Variants in ALG10 observed in about 807,000 individuals in gnomAD.
ALG10 encodes the protein dol-P-Glc:Glc(2)Man(9)GlcNAc(2)-PP-Dol alpha-1,2-glucosyltransferase A.
ALG10 carries 25 observed loss-of-function variants against 39.2 expected under a neutral mutation model. That is an observed-to-expected ratio of 0.64 (90% CI 0.46 to 0.89). ALG10 has a LOEUF of 0.89. Among genes scored for constraint, ALG10 ranks in the 40% least tolerant of loss-of-function variants. The pLI is 0.00. For synonymous variants in ALG10, 184 were observed against 193.9 expected, an observed-to-expected ratio of 0.95 and a Z score of 0.42; for missense variants, 486 against 546.6, an observed-to-expected ratio of 0.89 and a Z score of 1.11.
chr12:34,022,914 C>T (rs1318482999), intron 1 of ALG10, 144 bp downstream of exon 1: 3 of 1,110,944 alleles, frequency 2.7e-6, no homozygotes, highest in African/African-American at 1.6e-5. Flanking sequence ...GTCTTTTGTT[C>T]CTGTCTCTGA....
chr12:34,026,802 C>G lies in ALG10; in HGVS notation c.1309C>G (p.Leu437Val). ...CATACCTCTGCCTCCCACATCCAGA[C>G]TCATTTGTGAACTGAGCTGCTATGC... is the stretch of plus-strand genomic sequence containing the variant. ...LNIPLPPTSR[L>V]ICELSCYAVV... is the part of the protein sequence containing the mutation. Residue 437 changes from leucine to valine, a missense_variant, in exon 3 of 3, where the codon CTC becomes GTC. By Grantham distance (32) the Leu-to-Val change is conservative (BLOSUM62 1). Transcript: ENST00000266483. The G allele has an allele frequency of 1.9e-6, 3 of 1,613,966 alleles. No homozygotes were observed. The highest frequency in any genetic ancestry group is 2.5e-6 in the Non-Finnish European group (3 of 1,179,882).
intron 2 of ALG10, 72 bp from the exon 3 acceptor site, chr12:34,025,791 C>A: frequency 6.4e-7 from 1 of 1,561,424 alleles, no homozygotes; most frequent in African/African-American, 1.4e-5. Context: ...AAATAAATTT[C>A]TTCATTAGGT....
At position 34,022,700 on chromosome 12, in the gene ALG10, C is replaced by G; in HGVS notation, c.101C>G (p.Pro34Arg). 3 of 1,614,028 alleles carry G rather than the reference C, an allele frequency of 1.9e-6. No homozygotes were observed. The highest frequency in any genetic ancestry group is 1.7e-6 in the Non-Finnish European group (2 of 1,179,982). Residue 34 changes from proline (P) to arginine (R), a missense_variant, in exon 1 of 3, where the codon CCC becomes CGC. By Grantham distance (103) the Pro-to-Arg change is moderately radical (BLOSUM62 -2). Coordinates refer to ENST00000266483, the MANE Select transcript of ALG10 (RefSeq NM_032834.4). Reference sequence around the variant, plus strand: ...GCCTTCAGCCGGGCGTTGCGAGAGCCCTACATGGACGAGATCTTCCACCTG... The same window carrying G: ...GCCTTCAGCCGGGCGTTGCGAGAGCGCTACATGGACGAGATCTTCCACCTG... ...FSAFSRALRE[P>R]YMDEIFHLPQ...
At chr12:34,025,073 TA>T (rs1214712614) in intron 2 of ALG10, among the ~76,000 whole-genome samples, 1 of 152,090 alleles carries the variant, frequency 6.6e-6, no homozygotes, top group African/African-American at 2.4e-5. Context: ...ATTACAGGAT[TA>T]AAAAGTAGAG....
chr12:34,026,061 A>G lies in ALG10; in HGVS notation c.568A>G (p.Ile190Val), dbSNP rs1591871065. Reference sequence around the variant, plus strand: ...TGGCTTCATGTTTCGGCAAACAAATATCATCTGGGCTGTCTTCTGTGCAGG... The same window carrying G: ...TGGCTTCATGTTTCGGCAAACAAATGTCATCTGGGCTGTCTTCTGTGCAGG... ...FCGFMFRQTN[I>V]IWAVFCAGNV... The change falls in exon 3 of 3, where the codon ATC becomes GTC. Residue 190 changes from isoleucine (I) to valine (V), a missense_variant. Physicochemically the swap from Ile to Val is conservative, Grantham distance 29. Coordinates refer to ENST00000266483, the MANE Select transcript of ALG10 (RefSeq NM_032834.4). The G allele has an allele frequency of 1.2e-6, 2 of 1,614,108 alleles. No homozygotes were observed. Among genetic ancestry groups the G allele is most frequent in the South Asian group, 2.2e-5 (2 of 91,084 alleles).
Position 34,026,405 on chromosome 12 carries a change from T to C in ALG10, c.912T>C (p.Pro304=). ...FFSFTLFFSF[P]HLLSPSKIKT... is the part of the protein sequence containing the mutation. ...CATTTACTCTCTTTTTTTCCTTTCC[T>C]CATCTCCTGTCTCCTAGCAAAATTA... The change falls in exon 3 of 3, where the codon CCT becomes CCC. Residue 304 remains proline (P), a synonymous_variant. Coordinates refer to ENST00000266483, the MANE Select transcript of ALG10 (RefSeq NM_032834.4). The C allele has an allele frequency of 6.2e-7, 1 of 1,614,064 alleles. No homozygotes were observed. The highest frequency in any genetic ancestry group is 1.6e-4 in the Middle Eastern group (1 of 6,062).
rs910388296 is a variant in ALG10 at position 34,027,165 on chromosome 12, C to T, written c.*250C>T. On this transcript the variant is annotated 3_prime_UTR_variant, in exon 3 of 3. Coordinates refer to ENST00000266483, the MANE Select transcript of ALG10 (RefSeq NM_032834.4). ...AATTGTTTTCAGATATCTCATATCA[C>T]TCTCATAATGTTGGCCCCTTAAAAA... The T allele has an allele frequency of 9.0e-6, 3 of 333,912 alleles. No homozygotes were observed. The highest frequency in any genetic ancestry group is 1.6e-5 in the Non-Finnish European group (3 of 187,520). The allele number at this position is 333,912 out of a possible 1,614,324, so 20.7% of individuals were successfully genotyped here.
chr12:34,027,615 A>T lies in ALG10; in HGVS notation c.*700A>T, dbSNP rs1410087217. ...GCCAAAGACAAATTGTATTGATTATAATCCTTTAAAAGGGGGATTTCCTTT... is the reference window on the plus strand; with the variant it reads ...GCCAAAGACAAATTGTATTGATTATTATCCTTTAAAAGGGGGATTTCCTTT... On this transcript the variant is annotated 3_prime_UTR_variant, in exon 3 of 3. Coordinates refer to ENST00000266483, the MANE Select transcript of ALG10 (RefSeq NM_032834.4). 3 of 152,252 alleles carry T rather than the reference A, an allele frequency of 2.0e-5. No homozygotes were observed. The highest frequency in any genetic ancestry group is 6.5e-5 in the Admixed American group (1 of 15,276). 9.4% of individuals were successfully genotyped at this position (152,252 alleles called of 1,614,324 possible).
In ALG10 at chr12:34,022,571, G is replaced by A. The variant is rs1399325476; in HGVS notation, c.-29G>A. 6 of 1,613,844 alleles carry A rather than the reference G, an allele frequency of 3.7e-6. No individual in the cohort carries two copies. In the South Asian group the frequency reaches 6.6e-5, roughly 18 times the overall value. Reference sequence around the variant, plus strand: ...CAGGCTCAGAATTTTCCAGGAGTAGGTTCTTGGGCAGTGGCTGTGGGAGCT... The same window carrying A: ...CAGGCTCAGAATTTTCCAGGAGTAGATTCTTGGGCAGTGGCTGTGGGAGCT... On this transcript the variant is annotated 5_prime_UTR_variant, in exon 1 of 3. Transcript: ENST00000266483.
chr12:34,022,482 G>A (rs774491237), upstream of ALG10: 106 of 1,521,498 alleles, frequency 7.0e-5, no homozygotes, highest in Non-Finnish European at 8.9e-5. Context: ...TCCGGTATGT[G>A]GCCCCGTCTG....
chr12:34,025,629 T>C lies in ALG10; in HGVS notation c.370-234T>C, dbSNP rs113111414. On this transcript the variant is annotated intron_variant, in intron 2 of 2. Coordinates refer to ENST00000266483, the MANE Select transcript of ALG10 (RefSeq NM_032834.4). ...CCAATTGTGTTAAGCTATAGAAGAT[T>C]TGGCATACACATGGTCTCCAAACTG... Among the ~76,000 whole-genome samples the C allele has an allele frequency of 7.2e-5, 11 of 152,308 alleles. 2 individuals are homozygous for C. The highest frequency in any genetic ancestry group is 2.6e-4 in the African/African-American group (11 of 41,568).
chr12:34,024,591 AC>A (rs1433376956), intron 2 of ALG10, among the ~76,000 whole-genome samples: 1 of 152,194 alleles, frequency 6.6e-6, no homozygotes, highest in Non-Finnish European at 1.5e-5. Flanking sequence ...CTGCCACTTA[AC>A]CAGTTTTGTT....
chr12:34,022,541 G>C lies in ALG10; in HGVS notation c.-59G>C, dbSNP rs1046939467. The C allele has an allele frequency of 4.3e-5, 69 of 1,613,472 alleles. No individual in the cohort carries two copies. The highest frequency in any genetic ancestry group is 5.5e-5 in the Non-Finnish European group (65 of 1,179,794). ...TTTCGAGCCCAAGTTTCCAGCTCGG[G>C]TTTCCAGGCTCAGAATTTTCCAGGA... On this transcript the variant is annotated 5_prime_UTR_variant, in exon 1 of 3. Transcript: ENST00000266483.
rs1591869615 is a variant in ALG10, at chr12:34,023,654, A to G, written c.172-308A>G. On this transcript the variant is annotated intron_variant, in intron 1 of 2. Coordinates refer to ENST00000266483, the MANE Select transcript of ALG10 (RefSeq NM_032834.4). ...CCCAAACAATGTTTCCATGCTTTTA[A>G]AAACTGGAACATTTGCAGTTTATTT... 1.5e-5 allele frequency: 6 copies of G among 390,400 alleles called. No homozygotes were observed. The East Asian group carries it at 3.6e-4, about 23-fold the overall frequency. 24.2% of individuals were successfully genotyped at this position (390,400 alleles called of 1,614,324 possible).
At position 34,027,558 on chromosome 12, in the gene ALG10, T is replaced by C. The variant is rs1368470737; in HGVS notation, c.*643T>C. 6.6e-6 allele frequency: 1 copy of C among 152,570 alleles called. No individual in the cohort carries two copies. The allele number at this position is 152,570 out of a possible 1,614,324, so 9.5% of individuals were successfully genotyped here. ...TTACAATCTAGAAATGATGAAGCTCTTTCACTAATTCCTAATATGAAATGT... is the reference window on the plus strand; with the variant it reads ...TTACAATCTAGAAATGATGAAGCTCCTTCACTAATTCCTAATATGAAATGT... On this transcript the variant is annotated 3_prime_UTR_variant, in exon 3 of 3. Coordinates refer to ENST00000266483, the MANE Select transcript of ALG10 (RefSeq NM_032834.4).
At position 34,026,478 on chromosome 12, in the gene ALG10, G is replaced by A. The variant is rs367903509; in HGVS notation, c.985G>A (p.Val329Ile). ...VWKRRILFFVVTLVSVFLVWK... is the reference protein window; with the variant it reads ...VWKRRILFFVITLVSVFLVWK... ...GAAACGTAGAATTCTGTTTTTTGTG[G>A]TTACCTTAGTCTCTGTGTTTTTAGT... Residue 329 changes from valine to isoleucine, a missense_variant, in exon 3 of 3, where the codon GTT becomes ATT. By Grantham distance (29) the Val-to-Ile change is conservative (BLOSUM62 3). Coordinates refer to ENST00000266483, the MANE Select transcript of ALG10 (RefSeq NM_032834.4). The A allele has an allele frequency of 2.5e-6, 4 of 1,613,416 alleles. No individual in the cohort carries two copies. Among genetic ancestry groups the A allele is most frequent in the East Asian group, 2.2e-5 (1 of 44,852 alleles).
Position 34,026,265 on chromosome 12 carries a change from A to G in ALG10, c.772A>G (p.Ile258Val), listed in dbSNP as rs750028541. 13 of 1,613,940 alleles carry G rather than the reference A, an allele frequency of 8.1e-6. No homozygotes were observed. The East Asian group carries it at 2.5e-4, about 30-fold the overall frequency. ...GCTTTTGCTTCTGACTTGGCCCTACATCCTTCTGGGATTTCTGTTTTGTGC... is the reference window on the plus strand; with the variant it reads ...GCTTTTGCTTCTGACTTGGCCCTACGTCCTTCTGGGATTTCTGTTTTGTGC... ...SMLLLLTWPYILLGFLFCAFV... is the reference protein window; with the variant it reads ...SMLLLLTWPYVLLGFLFCAFV... Residue 258 changes from isoleucine (I) to valine (V), a missense_variant, in exon 3 of 3, where the codon ATC (isoleucine) becomes GTC (valine). By Grantham distance (29) the Ile-to-Val change is conservative. Coordinates refer to ENST00000266483, the MANE Select transcript of ALG10 (RefSeq NM_032834.4).
rs750715253 is a variant in ALG10 at position 34,026,627 on chromosome 12, A to G, written c.1134A>G (p.Ile378Met). Residue 378 changes from isoleucine (I) to methionine (M), a missense_variant, in exon 3 of 3, where the codon ATA becomes ATG. Coordinates refer to ENST00000266483, the MANE Select transcript of ALG10 (RefSeq NM_032834.4). ...AATATTTGTTAGTTCCAGCCTATAT[A>G]TTTGCTGGTTGGAGTATAGCTGACT... ...TVKYLLVPAY[I>M]FAGWSIADSL... 11 of 1,613,738 alleles carry G rather than the reference A, an allele frequency of 6.8e-6. No individual in the cohort carries two copies. Among genetic ancestry groups the G allele is most frequent in the Non-Finnish European group, 9.3e-6 (11 of 1,179,898 alleles).
At position 34,028,228 on chromosome 12, in the gene ALG10, TGAGAA is replaced by T. The variant is rs796099414; in HGVS notation, c.*1314_*1318del. The T allele has an allele frequency of 1.1e-4, 17 of 152,298 alleles. No homozygotes were observed. Among genetic ancestry groups the T allele is most frequent in the African/African-American group, 3.9e-4 (16 of 41,552 alleles). The allele number at this position is 152,298 out of a possible 1,614,324, so 9.4% of individuals were successfully genotyped here. ...ATCAAATTATAGTTGTATATACTTA[TGAGAA>T]ACAAAGTGGCATTATGATTTTTGAA... On this transcript the variant is annotated 3_prime_UTR_variant, in exon 3 of 3. Coordinates refer to ENST00000266483, the MANE Select transcript of ALG10 (RefSeq NM_032834.4).
Sources: gnomAD v4.1 joint callset for allele counts (sites outside exome capture counted in the v4.1 genomes callset) on GRCh38, gnomAD v4.1.1 for gene constraint, MANE v1.5 for transcripts, NCBI Gene and HGNC (gene_info 2026-07-23, HGNC 2026-07-21) for gene names.